EFR3B: variants seen among roughly 807,000 people sequenced by gnomAD.
EFR3B encodes the protein EFR3 homolog B.
EFR3B carries 64 observed loss-of-function variants against 104.7 expected under a neutral mutation model. The observed-to-expected ratio is 0.61, with a 90% confidence interval of 0.50 to 0.75. The LOEUF (loss-of-function observed/expected upper bound fraction) is 0.75. Ranked by LOEUF, EFR3B falls within the 30% of genes least tolerant of loss-of-function variation. The pLI, the probability that EFR3B is intolerant of heterozygous loss-of-function variation, is 0.00. For synonymous variants in EFR3B, 385 were observed against 417.9 expected (o/e 0.92, Z 0.96); for missense variants, 750 against 1,078.5 (o/e 0.70, Z 4.27).
chr2:25,093,215 C>T, intron 3 of EFR3B, 85 bp downstream of exon 3: 2 of 1,487,138 alleles, frequency 1.3e-6, no homozygotes, highest in Non-Finnish European at 1.8e-6. Flanking sequence ...AAAATGATGG[C>T]CAGGCAGAGT....
chr2:25,124,019 A>G (rs1670093053), intron 5 of EFR3B, among the ~76,000 whole-genome samples: 3 of 151,878 alleles, frequency 2.0e-5, no homozygotes, highest in Non-Finnish European at 4.4e-5. Flanking sequence ...TGGAGGAGGG[A>G]TCTTCTGGTG....
intron 4 of EFR3B, among the ~76,000 whole-genome samples, chr2:25,120,350 C>CAA (rs148580237): frequency 2.1e-5 from 3 of 145,148 alleles, no homozygotes; most frequent in South Asian, 2.2e-4. Flanking sequence ...GACTTCATCT[C>CAA]AAAAAAAAAC....
intron 6 of EFR3B, 77 bp downstream of exon 6, chr2:25,128,409 G>A: frequency 6.5e-7 from 1 of 1,529,650 alleles, no homozygotes; most frequent in Non-Finnish European, 8.8e-7. Context: ...CATGGTTTGG[G>A]TTGGTCAGTA....
At chr2:25,094,624 G>A (rs1439927863) in intron 3 of EFR3B, among the ~76,000 whole-genome samples, 26 of 152,130 alleles carry the variant, frequency 1.7e-4, no homozygotes, top group Non-Finnish European at 1.2e-4. Context: ...AAAACGGGAA[G>A]CATTTTCATT....
At chr2:25,045,063 G>T (rs1172302182) in intron 1 of EFR3B, among the ~76,000 whole-genome samples, 1 of 152,192 alleles carries the variant, frequency 6.6e-6, no homozygotes, top group East Asian at 1.9e-4. Flanking sequence ...GGTCTGTTGT[G>T]AGCATCACAA....
chr2:25,121,884 T>A, intron 5 of EFR3B, 90 bp downstream of exon 5: 1 of 1,514,492 alleles, frequency 6.6e-7, no homozygotes, highest in Non-Finnish European at 8.9e-7. Context: ...CCATTGCGTG[T>A]CTGCTTTTGT....
intron 10 of EFR3B, among the ~76,000 whole-genome samples, chr2:25,132,592 C>T (rs1670378201): frequency 6.6e-6 from 1 of 151,842 alleles, no homozygotes; most frequent in South Asian, 2.1e-4. Context: ...GGGCTCCCCC[C>T]GACCCCCCGC....
chr2:25,116,536 AT>A (rs34173044), intron 4 of EFR3B, among the ~76,000 whole-genome samples: 36,306 of 151,892 alleles, frequency 0.24, 5,601 homozygotes, highest in East Asian at 0.53. Context: ...AGGCATGAGA[AT>A]TGCTTGAACC....
At chr2:25,065,728 C>T (rs1450625641) in intron 1 of EFR3B, among the ~76,000 whole-genome samples, 3 of 152,174 alleles carry the variant, frequency 2.0e-5, no homozygotes, top group African/African-American at 7.2e-5. Context: ...TCTGGAAATT[C>T]ACCTCCCCTA....
intron 1 of EFR3B, among the ~76,000 whole-genome samples, chr2:25,062,645 A>G (rs1668226800): frequency 1.3e-5 from 2 of 152,204 alleles, no homozygotes; most frequent in Admixed American, 1.3e-4. Flanking sequence ...AGGCTACTAG[A>G]CAACTTACGT....
intron 19 of EFR3B, among the ~76,000 whole-genome samples, chr2:25,148,722 A>G (rs1202751000): frequency 6.7e-6 from 1 of 149,910 alleles, no homozygotes; most frequent in African/African-American, 2.4e-5. Context: ...GGAGATCGAG[A>G]CCATCCCGGC....
At chr2:25,044,612 T>C (rs986873161) in intron 1 of EFR3B, among the ~76,000 whole-genome samples, 3 of 152,074 alleles carry the variant, frequency 2.0e-5, no homozygotes, top group Non-Finnish European at 4.4e-5. Context: ...CCCCTGTGTG[T>C]CCTATAAAGT....
intron 3 of EFR3B, among the ~76,000 whole-genome samples, chr2:25,095,388 G>A (rs981100625): frequency 6.6e-5 from 10 of 152,100 alleles, no homozygotes; most frequent in Non-Finnish European, 1.5e-4. Flanking sequence ...CTCAATGGCT[G>A]GAAAATACAG....
intron 1 of EFR3B, among the ~76,000 whole-genome samples, chr2:25,072,237 C>T (rs1427754965): frequency 6.6e-6 from 1 of 151,344 alleles, no homozygotes; most frequent in East Asian, 2.0e-4. Context: ...CCCTTCCTTT[C>T]TGTTCTCTTT....
chr2:25,146,389 T>C (rs527625727), intron 19 of EFR3B: 18 of 152,264 alleles, frequency 1.2e-4, no homozygotes, highest in African/African-American at 3.4e-4. Flanking sequence ...CCTCAAAGCT[T>C]ATCCAGAACC....
Position 25,141,455 on chromosome 2 carries a change from T to C in EFR3B, c.1922+22T>C, listed in dbSNP as rs745571266. ...CCAGGTGAGGAGAGGACGGGGGACG[T>C]GGTCAGGGATCCCCAGGGCAGCTGA... On this transcript the variant is annotated intron_variant, in intron 17 of 22. Coordinates refer to ENST00000403714, the MANE Select transcript of EFR3B (RefSeq NM_014971.2). 8.4e-6 allele frequency: 13 copies of C among 1,550,046 alleles called. No homozygotes were observed. In the South Asian group the frequency reaches 1.3e-4, roughly 16 times the overall value.
At chr2:25,093,248 G>A (rs762477103) in intron 3 of EFR3B, 118 bp downstream of exon 3, 14 of 1,339,628 alleles carry the variant, frequency 1.0e-5, no homozygotes, top group South Asian at 1.5e-5. Flanking sequence ...TAATCCCAGC[G>A]CTTTGGGAGG....
intron 11 of EFR3B, 21 bp downstream of exon 11, chr2:25,133,035 A>AGGAGGGGT: frequency 1.3e-6 from 2 of 1,541,316 alleles, no homozygotes; most frequent in East Asian, 4.9e-5. Flanking sequence ...AATCTCCCCC[A>AGGAGGGGT]GCCTGGAGTC....
Position 25,136,615 on chromosome 2 carries a change from T to C in EFR3B, c.1560+17T>C. ...ATGAAGAAGGTAAACAAGCATGACCTCCAGGCACAGTGAAGGGCGGGCACG... is the reference window on the plus strand; with the variant it reads ...ATGAAGAAGGTAAACAAGCATGACCCCCAGGCACAGTGAAGGGCGGGCACG... On this transcript the variant is annotated intron_variant, in intron 14 of 22. Coordinates refer to ENST00000403714, the MANE Select transcript of EFR3B (RefSeq NM_014971.2). This position sits in a 1 kb window ranked among gnomAD's most constrained non-coding sequence, Gnocchi z 4.0. 1 of 1,549,398 alleles carries C rather than the reference T, an allele frequency of 6.5e-7. No homozygotes were observed. The highest frequency in any genetic ancestry group is 2.4e-5 in the East Asian group (1 of 40,836).
Sources: allele counts gnomAD v4.1 joint callset (sites outside exome capture counted in the v4.1 genomes callset), GRCh38; gene constraint gnomAD v4.1.1; non-coding constraint Gnocchi (gnomAD v3.1); transcripts MANE v1.5; gene names NCBI Gene and HGNC (gene_info 2026-07-23, HGNC 2026-07-21).